Variants in LHX8 observed in about 807,000 individuals in gnomAD.
The protein encoded by LHX8 is LIM homeobox 8.
In LHX8, 12 loss-of-function variants were observed where a neutral mutation model predicts 40.3. The ratio of observed to expected loss-of-function variants is 0.30; its 90% CI spans 0.19 to 0.48. LHX8 has a LOEUF of 0.48. Ranked by LOEUF, LHX8 falls within the 20% of genes least tolerant of loss-of-function variation. The pLI is 0.99. For synonymous variants in LHX8, 179 were observed against 162.0 expected (o/e 1.10, Z -0.80); for missense variants, 344 against 433.7 (o/e 0.79, Z 1.84).
At chr1:75,152,354 T>A in intron 7 of LHX8, among the ~76,000 whole-genome samples, 1 of 151,978 alleles carries the variant, frequency 6.6e-6, no homozygotes, top group Non-Finnish European at 1.5e-5. Context: ...AGATGAGTGA[T>A]TTTTTTCCCC....
At chr1:75,195,007 T>C in the LHX8 span, among the ~76,000 whole-genome samples, 1,077 of 152,300 alleles carry the variant, frequency 7.1e-3, 10 homozygotes, top group African/African-American at 0.025. Flanking sequence ...ATTTGCTTAG[T>C]GGAAGAGCAA....
chr1:75,151,156 G>C (rs1389393258), intron 7 of LHX8, among the ~76,000 whole-genome samples: 1 of 152,152 alleles, frequency 6.6e-6, no homozygotes, highest in Non-Finnish European at 1.5e-5. Flanking sequence ...AAGCCTAAAG[G>C]TTTCATAATT....
At chr1:75,145,286 G>A (rs1350024161) in intron 6 of LHX8, among the ~76,000 whole-genome samples, 1 of 152,012 alleles carries the variant, frequency 6.6e-6, no homozygotes, top group Non-Finnish European at 1.5e-5. Flanking sequence ...GTCACTAAAG[G>A]TGTCTAGTTA....
upstream of LHX8, among the ~76,000 whole-genome samples, chr1:75,134,083 T>G (rs1383225236): frequency 6.6e-6 from 1 of 152,066 alleles, no homozygotes; most frequent in African/African-American, 2.4e-5. Flanking sequence ...CCTGAATCTT[T>G]GTTTAGGTTT....
chr1:75,188,174 T>TG, the LHX8 span, among the ~76,000 whole-genome samples: 1 of 152,124 alleles, frequency 6.6e-6, no homozygotes, highest in Non-Finnish European at 1.5e-5. Flanking sequence ...TTGTTGTTGT[T>TG]TTGTTTTGCT....
At chr1:75,174,728 A>G in the LHX8 span, among the ~76,000 whole-genome samples, 2 of 152,234 alleles carry the variant, frequency 1.3e-5, no homozygotes, top group African/African-American at 4.8e-5. Flanking sequence ...ACAAGGTAGA[A>G]CATGATAAAG....
intron 1 of LHX8, among the ~76,000 whole-genome samples, chr1:75,136,108 T>G (rs2100329398): frequency 6.6e-6 from 1 of 152,302 alleles, no homozygotes; most frequent in Middle Eastern, 3.4e-3. Context: ...CTTTTTAAAA[T>G]ATATATGTGT....
chr1:75,182,390 T>TG, the LHX8 span, among the ~76,000 whole-genome samples: 1 of 108,812 alleles, frequency 9.2e-6, no homozygotes, highest in Non-Finnish European at 1.9e-5. Flanking sequence ...TTTTTTTTTT[T>TG]GAGACCGAGT....
At chr1:75,165,042 T>C (rs969022146), downstream of LHX8, among the ~76,000 whole-genome samples, 1 of 152,200 alleles carries the variant, frequency 6.6e-6, no homozygotes, top group African/African-American at 2.4e-5. Context: ...TTTTTTGCCT[T>C]TAGTTATTCT....
At chr1:75,136,096 C>T (rs994887322) in intron 1 of LHX8, among the ~76,000 whole-genome samples, 1 of 152,122 alleles carries the variant, frequency 6.6e-6, no homozygotes, top group Non-Finnish European at 1.5e-5. Flanking sequence ...TCAAAAAGCC[C>T]CCTTTTTAAA....
At chr1:75,150,681 CTTTT>C (rs35282262) in intron 7 of LHX8, among the ~76,000 whole-genome samples, 1 of 135,172 alleles carries the variant, frequency 7.4e-6, no homozygotes, top group Admixed American at 7.5e-5. Context: ...AATTTTATTT[CTTTT>C]TTTTTTTTTT....
chr1:75,187,811 G>T, the LHX8 span, among the ~76,000 whole-genome samples: 1 of 152,170 alleles, frequency 6.6e-6, no homozygotes, highest in East Asian at 1.9e-4. Flanking sequence ...CAGAAAAGAA[G>T]CTGAAGGAAG....
In LHX8 at chr1:75,136,665, C is replaced by G. The variant is rs1246652152; in HGVS notation, c.51C>G (p.Arg17=). ...RTTALAAGRT[R]KGAGEEGLVS... is the part of the protein sequence containing the mutation. The stretch of plus-strand genomic sequence containing the variant: ...CAGCCCTGGCGGCCGGGAGGACTCG[C>G]AAAGGCGCCGGGGAAGAGGGACTGG... The change falls in exon 2 of 9, where the codon CGC becomes CGG. Residue 17 remains arginine (R), a synonymous_variant. Coordinates refer to ENST00000356261, the MANE Select transcript of LHX8 (RefSeq NM_001256114.2). 6.5e-7 allele frequency: 1 copy of G among 1,547,820 alleles called. No homozygotes were observed. The highest frequency in any genetic ancestry group is 2.4e-5 in the East Asian group (1 of 40,866).
At chr1:75,194,343 G>A in the LHX8 span, among the ~76,000 whole-genome samples, 1 of 152,192 alleles carries the variant, frequency 6.6e-6, no homozygotes. Flanking sequence ...CACTGAGGGT[G>A]TCCACTGCAG....
At chr1:75,170,895 A>C in the LHX8 span, among the ~76,000 whole-genome samples, 1 of 152,152 alleles carries the variant, frequency 6.6e-6, no homozygotes, top group Admixed American at 6.5e-5. Flanking sequence ...GGGGGCTTAA[A>C]GTACACTATA....
upstream of LHX8, chr1:75,130,244 A>G (rs142466848): frequency 1.0e-5 from 2 of 192,166 alleles, no homozygotes; most frequent in South Asian, 1.1e-4. Flanking sequence ...CGCTTCCCCT[A>G]TTTCTTCCGT....
chr1:75,161,585 T>C (rs562903447), downstream of LHX8: 2 of 151,938 alleles, frequency 1.3e-5, no homozygotes, highest in African/African-American at 4.8e-5. Flanking sequence ...TTAGTCTCTT[T>C]AAAATCTAAC....
the LHX8 span, among the ~76,000 whole-genome samples, chr1:75,171,892 A>T: frequency 6.6e-6 from 1 of 152,232 alleles, no homozygotes; most frequent in Non-Finnish European, 1.5e-5. Context: ...TAATGGACAG[A>T]ATAGAGTGGC....
chr1:75,136,596 T>G lies in LHX8; in HGVS notation c.-12-7T>G, dbSNP rs972212866. 15 of 1,546,636 alleles carry G rather than the reference T, an allele frequency of 9.7e-6. No individual in the cohort carries two copies. In the Admixed American group the frequency reaches 1.2e-4, roughly 12 times the overall value. On this transcript the variant is annotated splice_region_variant and splice_polypyrimidine_tract_variant and intron_variant, in intron 1 of 8. Coordinates refer to ENST00000356261, the MANE Select transcript of LHX8 (RefSeq NM_001256114.2). ...TCTCCATACTTTCTCCCCCTCCTAC[T>G]CCGCAGTGTCAGGGGCTCATGTCAG...
Sources: allele counts gnomAD v4.1 joint callset (sites outside exome capture counted in the v4.1 genomes callset), GRCh38; gene constraint gnomAD v4.1.1; transcripts MANE v1.5; gene names NCBI Gene and HGNC (gene_info 2026-07-23, HGNC 2026-07-21).